Variants in SF3A1 observed in about 807,000 individuals in gnomAD.
The protein encoded by SF3A1 is splicing factor 3a subunit 1.
Under a neutral mutation model 89.9 loss-of-function variants are expected in SF3A1, and 13 were observed. That is an observed-to-expected ratio of 0.14 (90% CI 0.09 to 0.23). SF3A1 has a LOEUF of 0.23. SF3A1 is among the 10% of genes least tolerant of loss of function. SF3A1 has a pLI of 1.00. For synonymous variants in SF3A1, 405 were observed against 374.4 expected (o/e 1.08, Z -0.94); for missense variants, 604 against 1,022.1 (o/e 0.59, Z 5.58).
chr22:30,353,022 T>C lies in SF3A1; in HGVS notation c.114A>G (p.Pro38=). The C allele has an allele frequency of 6.2e-7, 1 of 1,614,170 alleles. No homozygotes were observed. The highest frequency in any genetic ancestry group is 1.1e-5 in the South Asian group (1 of 91,084). The change falls in exon 2 of 16, where the codon CCA becomes CCG. Residue 38 remains proline, a synonymous_variant. Transcript: ENST00000215793. ...GAGGAGGGTAAATAATCCCCACAACTGGCTTAGAAGGTGCAGAATCCTCCT... is the reference window on the plus strand; with the variant it reads ...GAGGAGGGTAAATAATCCCCACAACCGGCTTAGAAGGTGCAGAATCCTCCT... ...SSKEDSAPSK[P]VVGIIYPPPE...
At chr22:30,349,745 C>T (rs1931531345) in intron 2 of SF3A1, among the ~76,000 whole-genome samples, 2 of 151,440 alleles carry the variant, frequency 1.3e-5, no homozygotes, top group African/African-American at 4.9e-5. Context: ...TACCCTTGAC[C>T]TCTCAGGCTC....
intron 4 of SF3A1, 135 bp from the exon 5 acceptor site, chr22:30,343,014 G>T: frequency 1.7e-6 from 1 of 581,176 alleles, no homozygotes; most frequent in South Asian, 2.2e-5. Flanking sequence ...GCTCCACTTG[G>T]CTGTGGGACT....
At chr22:30,356,099 GA>G (rs1931817467) in intron 1 of SF3A1, among the ~76,000 whole-genome samples, 1 of 152,124 alleles carries the variant, frequency 6.6e-6, no homozygotes. Flanking sequence ...TTCGAGATTG[GA>G]GAGCTTTATT....
chr22:30,337,691 T>C lies in SF3A1; in HGVS notation c.1950A>G (p.Thr650=). 1.2e-6 allele frequency: 1 copy of C among 827,164 alleles called. No individual in the cohort carries two copies. The highest frequency in any genetic ancestry group is 2.8e-5 in the Admixed American group (1 of 36,128). 51.2% of individuals were successfully genotyped at this position (827,164 alleles called of 1,614,324 possible). The part of the protein sequence containing the change: ...APRPPPMIVP[T]AFVPAPPVAP... ...GAAAATGATGCAAGAGATACTGACC[T>C]GTTGGCACAATCATGGGGGGTGGGC... Residue 650 remains threonine, a splice_region_variant and synonymous_variant, in exon 12 of 16, where the codon ACA becomes ACG. Transcript: ENST00000215793.
chr22:30,356,850 A>C lies in SF3A1; in HGVS notation c.-58T>G. On this transcript the variant is annotated 5_prime_UTR_variant, in exon 1 of 16. Coordinates refer to ENST00000215793, the MANE Select transcript of SF3A1 (RefSeq NM_005877.6). ...GGTGTCGGTGAGCGGTGCCGCCTCA[A>C]GACAGCCTCCCCGCTCGGTCAGTAC... 2 of 1,264,698 alleles carry C rather than the reference A, an allele frequency of 1.6e-6. No homozygotes were observed. Among genetic ancestry groups the C allele is most frequent in the Non-Finnish European group, 2.0e-6 (2 of 993,550 alleles). The allele number at this position is 1,264,698 out of a possible 1,614,324, so 78.3% of individuals were successfully genotyped here.
chr22:30,348,162 G>A (rs1279296443), intron 2 of SF3A1, among the ~76,000 whole-genome samples: 1 of 152,210 alleles, frequency 6.6e-6, no homozygotes, highest in Non-Finnish European at 1.5e-5. Flanking sequence ...ATCGTACAGT[G>A]GCCTGCAAAT....
At chr22:30,345,521 G>C (rs978661195) in intron 3 of SF3A1, among the ~76,000 whole-genome samples, 1 of 152,190 alleles carries the variant, frequency 6.6e-6, no homozygotes, top group African/African-American at 2.4e-5. Context: ...ATCCAAGAGG[G>C]ATGGATGTGC....
chr22:30,352,043 G>C (rs1931613145), intron 2 of SF3A1, among the ~76,000 whole-genome samples: 1 of 151,980 alleles, frequency 6.6e-6, no homozygotes, highest in African/African-American at 2.4e-5. Context: ...TGAGGTGGCG[G>C]CTAGCACCTG....
In SF3A1 at chr22:30,350,053, A is replaced by G. The variant is rs142902260; in HGVS notation, c.185+2898T>C. On this transcript the variant is annotated intron_variant, in intron 2 of 15. Coordinates refer to ENST00000215793, the MANE Select transcript of SF3A1 (RefSeq NM_005877.6). ...AAAATGTTTAAGAAATCTTTTAAGGATGCTCTTTTAGCCAATAATGAGCCA... is the reference window on the plus strand; with the variant it reads ...AAAATGTTTAAGAAATCTTTTAAGGGTGCTCTTTTAGCCAATAATGAGCCA... 7.9e-4 allele frequency among the ~76,000 whole-genome samples: 121 copies of G among 152,260 alleles called. 1 individual carries two copies. Among genetic ancestry groups the G allele is most frequent in the African/African-American group, 2.7e-3 (114 of 41,546 alleles).
At chr22:30,337,969 T>C (rs1931126469) in intron 11 of SF3A1, 72 bp from the exon 12 acceptor site, 3 of 1,075,562 alleles carry the variant, frequency 2.8e-6, no homozygotes, top group East Asian at 4.9e-5. Context: ...AGTTGGCAAC[T>C]GGCTGCCTGC....
In SF3A1 at chr22:30,338,898, ATCT is replaced by A; in HGVS notation, c.1631_1633del (p.Lys544del). 6.2e-7 allele frequency: 1 copy of A among 1,614,138 alleles called. No individual in the cohort carries two copies. Among genetic ancestry groups the A allele is most frequent in the South Asian group, 1.1e-5 (1 of 91,076 alleles). On this transcript the variant is annotated inframe_deletion, in exon 11 of 16. Transcript: ENST00000215793. ...GATTTCATTGGGCTTGCTGGGGCCA[ATCT>A]TCTCTTTAGTGTCATCCTCTGGCAC...
chr22:30,356,748 C>A lies in SF3A1; in HGVS notation c.45G>T (p.Val15=), dbSNP rs769730264. 60 of 1,492,708 alleles carry A rather than the reference C, an allele frequency of 4.0e-5. No homozygotes were observed. Among genetic ancestry groups the A allele is most frequent in the Non-Finnish European group, 5.4e-5 (60 of 1,117,214 alleles). The allele number at this position is 1,492,708 out of a possible 1,614,324, so 92.5% of individuals were successfully genotyped here. The part of the protein sequence containing the change: ...PVQAVPPPPP[V]PTEPKQPTEE... ...GAGGTACCTGTTTGGGCTCCGTGGGCACGGGCGGCGGCGGGGGCACCGCCT... is the reference window on the plus strand; with the variant it reads ...GAGGTACCTGTTTGGGCTCCGTGGGAACGGGCGGCGGCGGGGGCACCGCCT... The change falls in exon 1 of 16, where the codon GTG becomes GTT. Residue 15 remains valine (V), a synonymous_variant. Coordinates refer to ENST00000215793, the MANE Select transcript of SF3A1 (RefSeq NM_005877.6).
At chr22:30,356,611 C>G in intron 1 of SF3A1, 119 bp downstream of exon 1, 1 of 742,830 alleles carries the variant, frequency 1.3e-6, no homozygotes, top group African/African-American at 1.8e-5. Flanking sequence ...AAGCGCGCAG[C>G]CTCTTGGGAC....
In SF3A1 at chr22:30,334,334, G is replaced by C. The variant is rs543088935; in HGVS notation, c.*260C>G. On this transcript the variant is annotated 3_prime_UTR_variant, in exon 16 of 16. Transcript: ENST00000215793. ...GGCTCTCAGTTGCTAATGGGCTGCTGAAGAAATGAATGTCCTCAAATCGAG... is the reference window on the plus strand; with the variant it reads ...GGCTCTCAGTTGCTAATGGGCTGCTCAAGAAATGAATGTCCTCAAATCGAG... The C allele has an allele frequency of 3.0e-6, 1 of 335,100 alleles. No homozygotes were observed. The highest frequency in any genetic ancestry group is 2.2e-5 in the African/African-American group (1 of 45,700). 20.8% of individuals were successfully genotyped at this position (335,100 alleles called of 1,614,324 possible).
chr22:30,348,946 A>G (rs1325797284), intron 2 of SF3A1, among the ~76,000 whole-genome samples: 1 of 152,244 alleles, frequency 6.6e-6, no homozygotes, highest in Non-Finnish European at 1.5e-5. Flanking sequence ...CAAGCTATTC[A>G]GTTGCTTTAA....
intron 1 of SF3A1, among the ~76,000 whole-genome samples, chr22:30,354,372 G>A (rs760638074): frequency 2.0e-5 from 3 of 152,114 alleles, no homozygotes; most frequent in African/African-American, 4.8e-5. Context: ...TTATCTGGGC[G>A]TGAATGGTGA....
At chr22:30,343,769 CCCTTGGG>C (rs1269877267) in intron 4 of SF3A1, among the ~76,000 whole-genome samples, 4 of 152,188 alleles carry the variant, frequency 2.6e-5, no homozygotes, top group African/African-American at 9.7e-5. Context: ...TTTATAGAAA[CCCTTGGG>C]CCTTGGGCCT....
chr22:30,356,296 G>A (rs919626045), intron 1 of SF3A1, among the ~76,000 whole-genome samples: 5 of 152,206 alleles, frequency 3.3e-5, no homozygotes, highest in African/African-American at 1.2e-4. Flanking sequence ...TAGATGCTGA[G>A]AATTAACATC....
chr22:30,355,119 G>T (rs1053792585), intron 1 of SF3A1, among the ~76,000 whole-genome samples: 1 of 151,948 alleles, frequency 6.6e-6, no homozygotes, highest in African/African-American at 2.4e-5. Flanking sequence ...CTGCTTCCCA[G>T]GTTCAAGCAA....
Sources: gnomAD v4.1 joint callset for allele counts (sites outside exome capture counted in the v4.1 genomes callset) on GRCh38, gnomAD v4.1.1 for gene constraint, MANE v1.5 for transcripts, NCBI Gene and HGNC (gene_info 2026-07-23, HGNC 2026-07-21) for gene names.